MYOM2: variants seen among roughly 807,000 people sequenced by gnomAD.
MYOM2 encodes the protein myomesin-2.
Under a neutral mutation model 187.6 loss-of-function variants are expected in MYOM2, and 254 were observed. The ratio of observed to expected loss-of-function variants is 1.35; its 90% CI spans 1.22 to 1.50. MYOM2 has a LOEUF of 1.50. Ranked by LOEUF, MYOM2 falls within the 40% of genes most tolerant of loss-of-function variation. The pLI is 0.00. For missense variants in MYOM2, 2,796 were observed against 1,924.0 expected, an observed-to-expected ratio of 1.45 and a Z score of -8.48; for synonymous variants, 981 against 753.8, an observed-to-expected ratio of 1.30 and a Z score of -4.94.
Position 2,085,317 on chromosome 8 carries a change from G to T in MYOM2, c.1571G>T (p.Arg524Ile). 1 of 1,614,182 alleles carries T rather than the reference G, an allele frequency of 6.2e-7. No individual in the cohort carries two copies. Among genetic ancestry groups the T allele is most frequent in the Non-Finnish European group, 8.5e-7 (1 of 1,180,026 alleles). Residue 524 changes from arginine (R) to isoleucine (I), a missense_variant, in exon 14 of 37, where the codon AGA (arginine) becomes ATA (isoleucine). Arg to Ile is a moderately conservative substitution (Grantham distance 97). Transcript: ENST00000262113. Reference sequence around the variant, plus strand: ...GGTGTGCACGCTTCCGAGATCAGCAGAAACTATGTCGTCCTCAGCTGGGAG... The same window carrying T: ...GGTGTGCACGCTTCCGAGATCAGCATAAACTATGTCGTCCTCAGCTGGGAG... ...PTGVHASEIS[R>I]NYVVLSWEPP...
chr8:2,111,349 G>T (rs1797061809), intron 25 of MYOM2, among the ~76,000 whole-genome samples: 1 of 152,210 alleles, frequency 6.6e-6, no homozygotes, highest in South Asian at 2.1e-4. Context: ...GCATTAGCAA[G>T]AAGCCTAATT....
At chr8:2,107,483 C>G (rs932582890) in intron 23 of MYOM2, among the ~76,000 whole-genome samples, 2 of 152,134 alleles carry the variant, frequency 1.3e-5, no homozygotes, top group African/African-American at 4.8e-5. Context: ...AGGCTGTGAT[C>G]TGAGAACATC....
chr8:2,071,505 G>A (rs1408113444), intron 8 of MYOM2, among the ~76,000 whole-genome samples: 2 of 152,086 alleles, frequency 1.3e-5, no homozygotes, highest in African/African-American at 4.8e-5. Context: ...AAATACCACC[G>A]TTTGTTTTGA....
chr8:2,085,429 G>GCGTGGCCTCC (rs1819785195), intron 14 of MYOM2, 39 bp downstream of exon 14: 1 of 1,604,564 alleles, frequency 6.2e-7, no homozygotes, highest in Non-Finnish European at 8.5e-7. Context: ...GTAGATCTCT[G>GCGTGGCCTCC]CATGGCCCCC....
intron 21 of MYOM2, among the ~76,000 whole-genome samples, chr8:2,104,773 G>A (rs7841797): frequency 0.086 from 13,074 of 152,024 alleles, 653 homozygotes; most frequent in South Asian, 0.15. Context: ...GTGCGGAAAC[G>A]GACCCAGCAT....
intron 1 of MYOM2, among the ~76,000 whole-genome samples, chr8:2,046,111 C>T (rs1226332593): frequency 4.6e-5 from 7 of 152,210 alleles, no homozygotes; most frequent in African/African-American, 1.7e-4. Flanking sequence ...AGTCCCTTTC[C>T]CCTCTAGAAA....
Position 2,048,178 on chromosome 8 carries a change from A to G in MYOM2, c.-12-2577A>G, listed in dbSNP as rs60837775. 8.7e-3 allele frequency among the ~76,000 whole-genome samples: 1,325 copies of G among 152,384 alleles called. 21 individuals carry two copies. Among genetic ancestry groups the G allele is most frequent in the African/African-American group, 0.031 (1,289 of 41,592 alleles). On this transcript the variant is annotated intron_variant, in intron 1 of 36. Transcript: ENST00000262113. ...TGATGACACATGAGCCCCTGCTGCA[A>G]TAGCAGGTACTGGGGATTGCTCATG...
intron 17 of MYOM2, among the ~76,000 whole-genome samples, chr8:2,095,803 A>C (rs1796461944): frequency 6.6e-6 from 1 of 152,202 alleles, no homozygotes; most frequent in Non-Finnish European, 1.5e-5. Context: ...AAGTTCCTCT[A>C]ACTGTGCAGG....
rs776186514 is a variant in MYOM2 at position 2,116,209 on chromosome 8, A to AC, written c.3326-7_3326-6insC. 37 of 1,599,718 alleles carry AC rather than the reference A, an allele frequency of 2.3e-5. No individual in the cohort carries two copies. The highest frequency in any genetic ancestry group is 3.5e-5 in the Admixed American group (2 of 57,668). The stretch of plus-strand genomic sequence containing the variant: ...TTCATATATATTTTTTTAAATATTG[A>AC]ATTTAGCATTCAAGACTGTGCTGGA... On this transcript the variant is annotated splice_polypyrimidine_tract_variant and splice_region_variant and intron_variant, in intron 26 of 36. Coordinates refer to ENST00000262113, the MANE Select transcript of MYOM2 (RefSeq NM_003970.4).
At chr8:2,051,947 G>A (rs1390781127) in intron 2 of MYOM2, among the ~76,000 whole-genome samples, 1 of 152,230 alleles carries the variant, frequency 6.6e-6, no homozygotes, top group East Asian at 1.9e-4. Context: ...GTGTACGCAT[G>A]TATTGTATGT....
chr8:2,130,376 C>G (rs1797820953), intron 32 of MYOM2, among the ~76,000 whole-genome samples: 2 of 121,354 alleles, frequency 1.6e-5, no homozygotes. Flanking sequence ...CCTCACTACG[C>G]TATACCCAGG....
At chr8:2,126,391 C>G (rs183651241) in intron 31 of MYOM2, among the ~76,000 whole-genome samples, 33 of 151,978 alleles carry the variant, frequency 2.2e-4, no homozygotes, top group Middle Eastern at 3.4e-3. Flanking sequence ...CACACTCACA[C>G]AGCAGTCACA....
chr8:2,129,169 G>A lies in MYOM2; in HGVS notation c.3737G>A (p.Gly1246Glu), dbSNP rs748099104. The change falls in exon 32 of 37, where the codon GGA becomes GAA. Residue 1246 changes from glycine (G) to glutamate (E), a missense_variant. Coordinates refer to ENST00000262113, the MANE Select transcript of MYOM2 (RefSeq NM_003970.4). ...CTGAAGGTACTCTGCACCCCAGAAG[G>A]AATACGACTTCAGTGTTTCATGAAG... The part of the protein sequence containing the change: ...SPLKVLCTPE[G>E]IRLQCFMKYF... The A allele has an allele frequency of 6.2e-7, 1 of 1,612,166 alleles. No homozygotes were observed. Among genetic ancestry groups the A allele is most frequent in the Non-Finnish European group, 8.5e-7 (1 of 1,178,330 alleles).
At chr8:2,143,507 A>G in intron 36 of MYOM2, 51 bp downstream of exon 36, 2 of 1,605,590 alleles carry the variant, frequency 1.2e-6, no homozygotes, top group Admixed American at 3.3e-5. Context: ...GGTGCGATGG[A>G]CGCAACCCCT....
intron 6 of MYOM2, among the ~76,000 whole-genome samples, chr8:2,064,257 C>A (rs1370310791): frequency 6.6e-6 from 1 of 152,198 alleles, no homozygotes; most frequent in African/African-American, 2.4e-5. Flanking sequence ...CAGGGCAGGT[C>A]TTTGCGTTTG....
At chr8:2,060,828 G>A (rs1383651969) in intron 6 of MYOM2, among the ~76,000 whole-genome samples, 1 of 130,200 alleles carries the variant, frequency 7.7e-6, no homozygotes, top group African/African-American at 2.8e-5. Context: ...CATTAAGGAA[G>A]ACTTCCTTCA....
chr8:2,066,944 C>T (rs967904821), intron 6 of MYOM2, among the ~76,000 whole-genome samples: 7 of 152,162 alleles, frequency 4.6e-5, no homozygotes, highest in East Asian at 1.9e-4. Flanking sequence ...TATTCCTCCA[C>T]GGTGAACTAG....
In MYOM2 at chr8:2,073,456, C is replaced by G; in HGVS notation, c.1076C>G (p.Ser359Cys). 2 of 1,610,666 alleles carry G rather than the reference C, an allele frequency of 1.2e-6. No homozygotes were observed. The highest frequency in any genetic ancestry group is 1.3e-5 in the African/African-American group (1 of 75,042). The change falls in exon 10 of 37, where the codon TCT (serine) becomes TGT (cysteine). Residue 359 changes from serine (S) to cysteine (C), a missense_variant. Physicochemically the swap from Ser to Cys is moderately radical, Grantham distance 112. Transcript: ENST00000262113. ...DEGLYTLRIV[S>C]RGGVSDHSAF... ...GGCCTGTACACCCTGCGCATCGTGTCTCGGGGCGGCGTCAGCGACCACAGC... is the reference window on the plus strand; with the variant it reads ...GGCCTGTACACCCTGCGCATCGTGTGTCGGGGCGGCGTCAGCGACCACAGC...
chr8:2,138,411 C>T (rs1008673845), intron 32 of MYOM2, among the ~76,000 whole-genome samples: 2 of 152,176 alleles, frequency 1.3e-5, no homozygotes, highest in Admixed American at 6.5e-5. Flanking sequence ...GTGAGGCTCC[C>T]AGGTCAGCAA....
Sources: allele counts gnomAD v4.1 joint callset (sites outside exome capture counted in the v4.1 genomes callset), GRCh38; gene constraint gnomAD v4.1.1; transcripts MANE v1.5; gene names NCBI Gene and HGNC (gene_info 2026-07-23, HGNC 2026-07-21).